Variants in RBBP6 observed in about 807,000 individuals in gnomAD.
RBBP6 encodes the protein E3 ubiquitin-protein ligase RBBP6.
A neutral mutation model predicts 167.7 loss-of-function variants in RBBP6; 25 were observed. That is an observed-to-expected ratio of 0.15 (90% CI 0.11 to 0.21). The LOEUF is 0.21. Ranked by LOEUF, RBBP6 falls within the 10% of genes least tolerant of loss-of-function variation. RBBP6 has a pLI of 1.00. For synonymous variants in RBBP6, 789 were observed against 735.8 expected, an observed-to-expected ratio of 1.07 and a Z score of -1.17; for missense variants, 1,868 against 2,134.2, an observed-to-expected ratio of 0.88 and a Z score of 2.46.
Position 24,540,357 on chromosome 16 carries a change from T to C in RBBP6, c.-270T>C, listed in dbSNP as rs1206010283. The stretch of plus-strand genomic sequence containing the variant: ...GCGAGGGGGACCCAGCCGGGTGACA[T>C]TGTGCCCGTTGGCGGATTCTCGATT... On this transcript the variant is annotated 5_prime_UTR_variant, in exon 1 of 18. Transcript: ENST00000319715. 22 of 339,090 alleles carry C rather than the reference T, an allele frequency of 6.5e-5. No individual in the cohort carries two copies. The East Asian group carries it at 8.6e-4, about 13-fold the overall frequency. The allele number at this position is 339,090 out of a possible 1,614,324, so 21.0% of individuals were successfully genotyped here.
intron 1 of RBBP6, among the ~76,000 whole-genome samples, chr16:24,544,832 T>A (rs1567270428): frequency 6.6e-6 from 1 of 152,188 alleles, no homozygotes; most frequent in African/African-American, 2.4e-5. Context: ...TCACTGTTTA[T>A]CCGATGACTG....
In RBBP6 at chr16:24,570,473, C is replaced by T. The variant is rs1567281353; in HGVS notation, c.3783C>T (p.Ser1261=). The part of the protein sequence containing the change: ...VRRKVTGTEG[S]SSTLVDYTST... ...GAAAAGTGACTGGAACTGAAGGATC[C>T]AGCTCAACTCTGGTGGATTACACCA... Residue 1261 remains serine, a synonymous_variant, in exon 17 of 18, where the codon TCC becomes TCT. Transcript: ENST00000319715. 1 of 1,590,364 alleles carries T rather than the reference C, an allele frequency of 6.3e-7. No homozygotes were observed. Among genetic ancestry groups the T allele is most frequent in the Non-Finnish European group, 8.5e-7 (1 of 1,174,040 alleles).
Position 24,571,973 on chromosome 16 carries a change from C to T in RBBP6, c.4907C>T (p.Ala1636Val). The part of the protein sequence containing the change: ...SDLTRETDEA[A>V]FEPDYNESDS... ...TTAACTAGAGAAACTGATGAAGCTG[C>T]TTTTGAACCAGACTATAATGAAAGT... The change falls in exon 18 of 18, where the codon GCT (alanine) becomes GTT (valine). Residue 1636 changes from alanine (A) to valine (V), a missense_variant. Ala to Val is a moderately conservative substitution (Grantham distance 64). This residue lies in a region of RBBP6 where 591 missense variants were observed against 540.5 expected (regional missense o/e 1.09). Coordinates refer to ENST00000319715, the MANE Select transcript of RBBP6 (RefSeq NM_006910.5). 1 of 1,613,724 alleles carries T rather than the reference C, an allele frequency of 6.2e-7. No homozygotes were observed. Among genetic ancestry groups the T allele is most frequent in the Non-Finnish European group, 8.5e-7 (1 of 1,179,936 alleles).
Position 24,569,994 on chromosome 16 carries a change from A to C in RBBP6, c.3304A>C (p.Thr1102Pro). Residue 1102 changes from threonine to proline, a missense_variant, in exon 17 of 18, where the codon ACA (threonine) becomes CCA (proline). Coordinates refer to ENST00000319715, the MANE Select transcript of RBBP6 (RefSeq NM_006910.5). Reference sequence around the variant, plus strand: ...TAAATCAGCAAAAGAACACCAAGAAACAAAACCAGTCAAAGAGGAAAAAGT... The same window carrying C: ...TAAATCAGCAAAAGAACACCAAGAACCAAAACCAGTCAAAGAGGAAAAAGT... ...HSKSAKEHQETKPVKEEKVKK... is the reference protein window; with the variant it reads ...HSKSAKEHQEPKPVKEEKVKK... 1 of 1,597,762 alleles carries C rather than the reference A, an allele frequency of 6.3e-7. No homozygotes were observed. Among genetic ancestry groups the C allele is most frequent in the Non-Finnish European group, 8.5e-7 (1 of 1,176,210 alleles).
Position 24,569,383 on chromosome 16 carries a change from A to G in RBBP6, c.2693A>G (p.Tyr898Cys), listed in dbSNP as rs1460992533. 6.2e-7 allele frequency: 1 copy of G among 1,614,046 alleles called. No individual in the cohort carries two copies. The highest frequency in any genetic ancestry group is 8.5e-7 in the Non-Finnish European group (1 of 1,180,034). Residue 898 changes from tyrosine (Y) to cysteine (C), a missense_variant, in exon 17 of 18, where the codon TAT (tyrosine) becomes TGT (cysteine). By Grantham distance (194) the Tyr-to-Cys change is radical. Transcript: ENST00000319715. ...AGAAGTCGAAACATAGGTAGCAACT[A>G]TCCAGAAAAGCTTTCAGCAAGAGAT... is the stretch of plus-strand genomic sequence containing the variant. Reference protein sequence around the residue: ...SHRSRNIGSNYPEKLSARDGH... With the variant: ...SHRSRNIGSNCPEKLSARDGH...
At chr16:24,567,678 A>T in intron 15 of RBBP6, 114 bp from the exon 16 acceptor site, 1 of 1,264,120 alleles carries the variant, frequency 7.9e-7, no homozygotes, top group South Asian at 1.5e-5. Context: ...ATAGTTTTAA[A>T]GTGGAAAACT....
At chr16:24,550,070 A>T (rs1426959452) in intron 3 of RBBP6, among the ~76,000 whole-genome samples, 1 of 151,976 alleles carries the variant, frequency 6.6e-6, no homozygotes. Flanking sequence ...CCCAGGCTTG[A>T]TATTGTACAC....
In RBBP6 at chr16:24,571,325, A is replaced by G; in HGVS notation, c.4259A>G (p.Lys1420Arg). ...GAAAAGGAGAACCCTGAAAAGAGGA[A>G]GAACAGCACTCAGCCAGAGAAAGAG... ...VLEKENPEKR[K>R]NSTQPEKESN... is the part of the protein sequence containing the mutation. The change falls in exon 18 of 18, where the codon AAG becomes AGG. Residue 1420 changes from lysine (K) to arginine (R), a missense_variant. By Grantham distance (26) the Lys-to-Arg change is conservative. This residue lies in a region of RBBP6 where 591 missense variants were observed against 540.5 expected (regional missense o/e 1.09). Transcript: ENST00000319715. 1 of 1,614,132 alleles carries G rather than the reference A, an allele frequency of 6.2e-7. No individual in the cohort carries two copies. The highest frequency in any genetic ancestry group is 1.3e-5 in the African/African-American group (1 of 75,066).
At chr16:24,543,767 A>G (rs1898563688) in intron 1 of RBBP6, among the ~76,000 whole-genome samples, 1 of 152,164 alleles carries the variant, frequency 6.6e-6, no homozygotes, top group Admixed American at 6.5e-5. Context: ...AAAACAAAAC[A>G]TCCTTCGTTC....
At position 24,555,891 on chromosome 16, in the gene RBBP6, T is replaced by C; in HGVS notation, c.508T>C (p.Tyr170His). The C allele has an allele frequency of 6.2e-7, 1 of 1,605,808 alleles. No individual in the cohort carries two copies. ...TCFRCGKPGHYIKNCPTNGDK... is the reference protein window; with the variant it reads ...TCFRCGKPGHHIKNCPTNGDK... The stretch of plus-strand genomic sequence containing the variant: ...TTTCCGTTGTGGTAAACCTGGACAT[T>C]ATATTAAGAATTGCCCAACAAATGG... The change falls in exon 6 of 18, where the codon TAT becomes CAT. Residue 170 changes from tyrosine to histidine, a missense_variant. Tyr to His is a moderately conservative substitution (Grantham distance 83). This residue lies in a region of RBBP6 where 184 missense variants were observed against 327.7 expected (regional missense o/e 0.56). Coordinates refer to ENST00000319715, the MANE Select transcript of RBBP6 (RefSeq NM_006910.5).
At chr16:24,548,213 T>C (rs1270882035) in intron 2 of RBBP6, among the ~76,000 whole-genome samples, 1 of 152,124 alleles carries the variant, frequency 6.6e-6, no homozygotes, top group Non-Finnish European at 1.5e-5. Context: ...TTTATGTCTT[T>C]TAAACATCAA....
Position 24,563,368 on chromosome 16 carries a change from CTCTT to C in RBBP6, c.1387-53_1387-50del, listed in dbSNP as rs1899114363. On this transcript the variant is annotated intron_variant, in intron 11 of 17. Coordinates refer to ENST00000319715, the MANE Select transcript of RBBP6 (RefSeq NM_006910.5). ...TTTGTTTTTCTGGCTTTGTTCTTACCTCTTTTTTTTTTTTTTTTTTAACTATTTC... is the reference window on the plus strand; with the variant it reads ...TTTGTTTTTCTGGCTTTGTTCTTACCTTTTTTTTTTTTTTTTAACTATTTC... 6 of 1,445,512 alleles carry C rather than the reference CTCTT, an allele frequency of 4.2e-6. No individual in the cohort carries two copies. The African/African-American group carries it at 6.0e-5, about 15-fold the overall frequency. 89.5% of individuals were successfully genotyped at this position (1,445,512 alleles called of 1,614,324 possible).
chr16:24,564,503 T>C (rs1467265717), intron 13 of RBBP6, among the ~76,000 whole-genome samples: 1 of 152,226 alleles, frequency 6.6e-6, no homozygotes, highest in Non-Finnish European at 1.5e-5. Context: ...TCCTTGTATA[T>C]AACAATAAGT....
intron 1 of RBBP6, among the ~76,000 whole-genome samples, chr16:24,544,598 C>T (rs1053115560): frequency 2.0e-5 from 3 of 152,070 alleles, no homozygotes; most frequent in Non-Finnish European, 4.4e-5. Flanking sequence ...AACTTAATGA[C>T]AATAAAAAGG....
intron 3 of RBBP6, among the ~76,000 whole-genome samples, chr16:24,551,582 A>G (rs1898796570): frequency 6.6e-6 from 1 of 151,852 alleles, no homozygotes; most frequent in Admixed American, 6.6e-5. Context: ...CAATAAATAC[A>G]TAATACTAAT....
chr16:24,557,571 CA>C (rs889545286), intron 7 of RBBP6, among the ~76,000 whole-genome samples: 387 of 138,146 alleles, frequency 2.8e-3, no homozygotes, highest in East Asian at 0.016. Context: ...GGACCTTGGG[CA>C]AAAAAAAAAA....
chr16:24,544,208 C>T (rs1898576813), intron 1 of RBBP6, among the ~76,000 whole-genome samples: 1 of 152,158 alleles, frequency 6.6e-6, no homozygotes, highest in Non-Finnish European at 1.5e-5. Context: ...AGGTGTTTGA[C>T]ACAAAGTTTT....
At chr16:24,563,138 T>G (rs985020791) in intron 10 of RBBP6, 61 bp from the exon 11 acceptor site, 2 of 1,386,580 alleles carry the variant, frequency 1.4e-6, no homozygotes, top group Admixed American at 4.0e-5. Context: ...AGCAAACTTT[T>G]TTACTCTTAA....
chr16:24,567,005 T>TAAATTGTACAAACTA, intron 14 of RBBP6, 138 bp from the exon 15 acceptor site: 1 of 869,196 alleles, frequency 1.2e-6, no homozygotes, highest in Non-Finnish European at 1.7e-6. Flanking sequence ...ATTGTACTAA[T>TAAATTGTACAAACTA]GTTGCTACAC....
Sources: allele counts gnomAD v4.1 joint callset (sites outside exome capture counted in the v4.1 genomes callset), GRCh38; gene constraint gnomAD v4.1.1; regional missense constraint gnomAD v4.1.1; transcripts MANE v1.5; gene names NCBI Gene and HGNC (gene_info 2026-07-23, HGNC 2026-07-21).